The following URM1 variants were observed in gnomAD, a reference collection of about 807,000 sequenced individuals.
URM1 encodes the protein ubiquitin related modifier 1.
URM1 carries 11 observed loss-of-function variants against 17.7 expected under a neutral mutation model. That is an observed-to-expected ratio of 0.62 (90% CI 0.39 to 1.03). The LOEUF is 1.03. Among genes scored for constraint, URM1 ranks in the 50% least tolerant of loss-of-function variants. URM1 has a pLI of 0.00. For synonymous variants in URM1, 48 were observed against 50.6 expected (o/e 0.95, Z 0.22); for missense variants, 128 against 129.2 (o/e 0.99, Z 0.04).
At chr9:128,374,888 C>A (rs1588577843) in intron 1 of URM1, among the ~76,000 whole-genome samples, 1 of 152,258 alleles carries the variant, frequency 6.6e-6, no homozygotes, top group Non-Finnish European at 1.5e-5. Context: ...TGGCTCCAAT[C>A]ATCTCTGCAG....
At position 128,387,692 on chromosome 9, in the gene URM1, C is replaced by A; in HGVS notation, c.107-124C>A. The stretch of plus-strand genomic sequence containing the variant: ...GAATCTACAAGTTCATGGGCTATCA[C>A]AGCCTGGTCTAAAAGAAGCCCTCTA... On this transcript the variant is annotated intron_variant, in intron 2 of 4. Transcript: ENST00000372853. The surrounding 1 kb of genome is among the most constrained non-coding windows in gnomAD (Gnocchi z 4.3). The A allele has an allele frequency of 6.7e-7, 1 of 1,495,848 alleles. No individual in the cohort carries two copies. 92.7% of individuals were successfully genotyped at this position (1,495,848 alleles called of 1,614,324 possible).
chr9:128,371,468 G>C, intron 1 of URM1, 53 bp downstream of exon 1: 1 of 1,590,162 alleles, frequency 6.3e-7, no homozygotes, highest in Non-Finnish European at 8.6e-7. Flanking sequence ...GTCGGGCCCA[G>C]AATTCCTTTC....
chr9:128,371,444 G>A (rs1008350996), intron 1 of URM1, 29 bp downstream of exon 1: 3 of 1,609,452 alleles, frequency 1.9e-6, no homozygotes, highest in Non-Finnish European at 2.5e-6. Context: ...GCGCCGTGGG[G>A]ATGGATTGAA....
Position 128,391,859 on chromosome 9 carries a change from C to G in URM1, c.*2125C>G. 6.6e-6 allele frequency: 1 copy of G among 152,190 alleles called. No homozygotes were observed. The highest frequency in any genetic ancestry group is 1.9e-4 in the East Asian group (1 of 5,198). The allele number at this position is 152,190 out of a possible 1,614,324, so 9.4% of individuals were successfully genotyped here. A position where few individuals can be genotyped will look rare whatever the true frequency, so the allele number is the denominator to read the frequency against. On this transcript the variant is annotated 3_prime_UTR_variant, in exon 5 of 5. Transcript: ENST00000372853. ...GAAATTGGCCATGTCCAAGGCACAC[C>G]AGACGATTTCAGGTCATTTTTAGCC...
At chr9:128,373,426 T>G (rs1330840478) in intron 1 of URM1, among the ~76,000 whole-genome samples, 1 of 152,142 alleles carries the variant, frequency 6.6e-6, no homozygotes, top group Non-Finnish European at 1.5e-5. Context: ...TTTCTCTCTT[T>G]TGTCCCTTAG....
At chr9:128,374,225 C>T (rs937793197) in intron 1 of URM1, among the ~76,000 whole-genome samples, 1 of 152,180 alleles carries the variant, frequency 6.6e-6, no homozygotes, top group African/African-American at 2.4e-5. Context: ...GCCAACCCCT[C>T]CCTTGAGGGC....
Position 128,371,405 on chromosome 9 carries a change from G to A in URM1, c.25G>A (p.Val9Met), listed in dbSNP as rs1833010332. Residue 9 changes from valine to methionine, a missense_variant, in exon 1 of 5, where the codon GTG becomes ATG. Physicochemically the swap from Val to Met is conservative, Grantham distance 21 (BLOSUM62 1). Coordinates refer to ENST00000372853, the MANE Select transcript of URM1 (RefSeq NM_030914.4). ...CATGGCTGCGCCCTTGTCAGTGGAG[G>A]TGGAGTTCGGGTGAGTCACAGAGCT... MAAPLSVE[V>M]EFGGGAELLF... 6.2e-7 allele frequency: 1 copy of A among 1,612,850 alleles called. No homozygotes were observed. The highest frequency in any genetic ancestry group is 1.3e-5 in the African/African-American group (1 of 74,864).
chr9:128,372,851 A>G (rs1833030479), intron 1 of URM1, among the ~76,000 whole-genome samples: 1 of 151,918 alleles, frequency 6.6e-6, no homozygotes, highest in African/African-American at 2.4e-5. Flanking sequence ...GGGCAGGAGG[A>G]CTGCTTGAGC....
chr9:128,374,117 T>C (rs1180013849), intron 1 of URM1, among the ~76,000 whole-genome samples: 1 of 152,108 alleles, frequency 6.6e-6, no homozygotes, highest in Non-Finnish European at 1.5e-5. Context: ...GGCCTTGGTC[T>C]CTCCTGGGCT....
chr9:128,385,755 A>G, intron 2 of URM1, among the ~76,000 whole-genome samples: 1 of 151,994 alleles, frequency 6.6e-6, no homozygotes, highest in Non-Finnish European at 1.5e-5. Flanking sequence ...GCATCCTGCG[A>G]AGGGAGCCAT....
chr9:128,377,300 G>C (rs1262740180), intron 1 of URM1, among the ~76,000 whole-genome samples: 1 of 152,190 alleles, frequency 6.6e-6, no homozygotes, highest in African/African-American at 2.4e-5. Context: ...GCTGAAGTGG[G>C]AGGATTGCTT....
rs767515211 is a variant in URM1 at position 128,389,519 on chromosome 9, T to G, written c.238-147T>G. ...GGAGTACTCCTCCATCCTGAAGATTTGCAGGTTGAGGTATAGGATACCCAT... is the reference window on the plus strand; with the variant it reads ...GGAGTACTCCTCCATCCTGAAGATTGGCAGGTTGAGGTATAGGATACCCAT... On this transcript the variant is annotated intron_variant, in intron 4 of 4. Transcript: ENST00000372853. The G allele has an allele frequency of 5.8e-6, 9 of 1,547,978 alleles. No individual in the cohort carries two copies. In the Admixed American group the frequency reaches 9.8e-5, roughly 17 times the overall value.
rs140152553 is a variant in URM1, at chr9:128,389,332, C to T, written c.237+23C>T. 1.7e-5 allele frequency: 28 copies of T among 1,613,964 alleles called. No homozygotes were observed. The East Asian group carries it at 5.3e-4, about 31-fold the overall frequency. On this transcript the variant is annotated intron_variant, in intron 4 of 4. Transcript: ENST00000372853. ...CTGGTCAGTACCTTGGGGGACATCC[C>T]TCCCCCAGCCCCTGCCCTTGCTGCT... is the stretch of plus-strand genomic sequence containing the variant.
intron 1 of URM1, among the ~76,000 whole-genome samples, chr9:128,374,067 T>C (rs1468060337): frequency 1.3e-5 from 2 of 152,078 alleles, no homozygotes; most frequent in Non-Finnish European, 2.9e-5. Flanking sequence ...ATATGTCAGT[T>C]GAGTTTGAAT....
Position 128,389,312 on chromosome 9 carries a change from C to T in URM1, c.237+3C>T, listed in dbSNP as rs1833271616. ...ACGATGCCGACTGGGAGCTACTGGT[C>T]AGTACCTTGGGGGACATCCCTCCCC... On this transcript the variant is annotated splice_donor_region_variant and intron_variant, in intron 4 of 4. Coordinates refer to ENST00000372853, the MANE Select transcript of URM1 (RefSeq NM_030914.4). 1.9e-6 allele frequency: 3 copies of T among 1,613,626 alleles called. No homozygotes were observed. In the East Asian group the frequency reaches 6.7e-5, roughly 36 times the overall value.
intron 2 of URM1, among the ~76,000 whole-genome samples, chr9:128,380,618 ATTTTCTTTTTTTTTTC>A (rs1352842650): frequency 6.7e-6 from 1 of 148,766 alleles, no homozygotes; most frequent in Non-Finnish European, 1.5e-5. Flanking sequence ...AAACCCACAA[ATTTTCTTTTTTTTTTC>A]TTTTCTTTTT....
In URM1 at chr9:128,371,434, G is replaced by A; in HGVS notation, c.35+19G>A. On this transcript the variant is annotated intron_variant, in intron 1 of 4. Coordinates refer to ENST00000372853, the MANE Select transcript of URM1 (RefSeq NM_030914.4). Reference sequence around the variant, plus strand: ...AGTTCGGGTGAGTCACAGAGCTGGGGCGCCGTGGGGATGGATTGAAGTCGT... The same window carrying A: ...AGTTCGGGTGAGTCACAGAGCTGGGACGCCGTGGGGATGGATTGAAGTCGT... 2 of 1,611,170 alleles carry A rather than the reference G, an allele frequency of 1.2e-6. No homozygotes were observed. Among genetic ancestry groups the A allele is most frequent in the Non-Finnish European group, 1.7e-6 (2 of 1,178,118 alleles).
intron 1 of URM1, among the ~76,000 whole-genome samples, chr9:128,372,196 G>T (rs141865364): frequency 3.3e-5 from 5 of 152,140 alleles, no homozygotes; most frequent in Non-Finnish European, 5.9e-5. Flanking sequence ...TAGAGAGAAG[G>T]CAAAGAAACA....
intron 1 of URM1, 30 bp from the exon 2 acceptor site, chr9:128,378,006 G>A: frequency 6.2e-7 from 1 of 1,609,530 alleles, no homozygotes; most frequent in Non-Finnish European, 8.5e-7. Context: ...AGCTCACCTG[G>A]CTGTCTTTTT....
Sources: allele counts gnomAD v4.1 joint callset (sites outside exome capture counted in the v4.1 genomes callset), GRCh38; gene constraint gnomAD v4.1.1; non-coding constraint Gnocchi (gnomAD v3.1); transcripts MANE v1.5; gene names NCBI Gene and HGNC (gene_info 2026-07-23, HGNC 2026-07-21).